CDH13: variants seen among roughly 807,000 people sequenced by gnomAD.
CDH13 encodes the protein cadherin 13.
CDH13 carries 24 observed loss-of-function variants against 63.8 expected under a neutral mutation model. The ratio of observed to expected loss-of-function variants is 0.38; its 90% confidence interval spans 0.27 to 0.53. The LOEUF (loss-of-function observed/expected upper bound fraction) is 0.53. Among genes scored for constraint, CDH13 ranks in the 20% least tolerant of loss-of-function variants. CDH13 has a pLI of 0.85. For synonymous variants in CDH13, 503 were observed against 355.3 expected (o/e 1.42, Z -4.67); for missense variants, 1,049 against 903.1 (o/e 1.16, Z -2.07).
chr16:83,211,303 G>A (rs12596447), intron 4 of CDH13, among the ~76,000 whole-genome samples: 25,441 of 152,076 alleles, frequency 0.17, 2,640 homozygotes, highest in Non-Finnish European at 0.23. Context: ...TTGGATGAAG[G>A]GTACATGGGA....
rs57413765 is a variant in CDH13, at chr16:83,326,600, G to A, written c.637-18262G>A. Among the ~76,000 whole-genome samples, 1,451 of 152,166 alleles carry A rather than the reference G, an allele frequency of 9.5e-3. 17 individuals carry two copies. Among genetic ancestry groups the A allele is most frequent in the African/African-American group, 0.033 (1,391 of 41,528 alleles). On this transcript the variant is annotated intron_variant, in intron 5 of 13. Coordinates refer to ENST00000567109, the MANE Select transcript of CDH13 (RefSeq NM_001257.5). ...TATCAGTGGGACTTACACTTTGCCTGGTAGTGGCATGCTTGCTGTGCCCTT... is the reference window on the plus strand; with the variant it reads ...TATCAGTGGGACTTACACTTTGCCTAGTAGTGGCATGCTTGCTGTGCCCTT...
At chr16:83,079,031 G>T (rs1033497402) in intron 3 of CDH13, among the ~76,000 whole-genome samples, 7 of 152,152 alleles carry the variant, frequency 4.6e-5, no homozygotes, top group African/African-American at 1.2e-4. Flanking sequence ...CTGACCTCAG[G>T]TGATCTGCCT....
chr16:83,567,914 T>G (rs1298568199), intron 7 of CDH13, among the ~76,000 whole-genome samples: 1 of 152,164 alleles, frequency 6.6e-6, no homozygotes, highest in Non-Finnish European at 1.5e-5. Context: ...GTTTTAACCC[T>G]GTAAATTCTG....
intron 1 of CDH13, among the ~76,000 whole-genome samples, chr16:82,785,145 C>T (rs996406280): frequency 2.6e-5 from 4 of 151,990 alleles, no homozygotes; most frequent in South Asian, 2.1e-4. Context: ...CGGGGGCTTG[C>T]GTTCGGGGCT....
chr16:83,704,702 T>C (rs1906746597), intron 10 of CDH13, among the ~76,000 whole-genome samples: 5 of 152,244 alleles, frequency 3.3e-5, no homozygotes, highest in Admixed American at 3.3e-4. Context: ...TAGAAAATTG[T>C]TGAAAGCCTT....
At chr16:82,875,617 G>A (rs770124422) in intron 2 of CDH13, among the ~76,000 whole-genome samples, 28 of 152,142 alleles carry the variant, frequency 1.8e-4, no homozygotes, top group Non-Finnish European at 3.4e-4. Flanking sequence ...AAAGAAAAAT[G>A]TCAAATATAG....
At chr16:82,851,139 T>C (rs2039463519) in intron 1 of CDH13, among the ~76,000 whole-genome samples, 2 of 152,074 alleles carry the variant, frequency 1.3e-5, no homozygotes, top group South Asian at 4.1e-4. Context: ...AAATTTTGTG[T>C]GAAAGCAACA....
chr16:83,174,778 A>C (rs1435329852), intron 4 of CDH13, among the ~76,000 whole-genome samples: 1 of 152,130 alleles, frequency 6.6e-6, no homozygotes, highest in Admixed American at 6.6e-5. Context: ...GCCTTAGGAA[A>C]CTTAACAATC....
At chr16:83,186,975 G>A (rs1481285322) in intron 4 of CDH13, among the ~76,000 whole-genome samples, 2 of 143,244 alleles carry the variant, frequency 1.4e-5, no homozygotes, top group African/African-American at 5.8e-5. Flanking sequence ...TTTTATTACT[G>A]TAATTTTTTT....
intron 6 of CDH13, among the ~76,000 whole-genome samples, chr16:83,444,359 T>C (rs1413392863): frequency 5.3e-5 from 8 of 152,208 alleles, no homozygotes; most frequent in Non-Finnish European, 1.5e-5. Context: ...ATGAAGTACA[T>C]GCTGTGATTT....
At chr16:83,281,261 T>A (rs901486943) in intron 5 of CDH13, among the ~76,000 whole-genome samples, 9 of 152,348 alleles carry the variant, frequency 5.9e-5, no homozygotes, top group Middle Eastern at 3.4e-3. Flanking sequence ...CACTATGTTA[T>A]AGGGATGGCT....
At chr16:82,830,253 A>G (rs1005775842) in intron 1 of CDH13, among the ~76,000 whole-genome samples, 1 of 152,176 alleles carries the variant, frequency 6.6e-6, no homozygotes, top group South Asian at 2.1e-4. Flanking sequence ...CTTATCAATA[A>G]CTCCATTCAT....
intron 1 of CDH13, among the ~76,000 whole-genome samples, chr16:82,752,617 C>T (rs1258763175): frequency 1.3e-5 from 2 of 152,194 alleles, no homozygotes; most frequent in East Asian, 3.8e-4. Flanking sequence ...CAAACACCTA[C>T]TCAAACAAGC....
At chr16:83,699,666 C>T (rs995490008) in intron 10 of CDH13, among the ~76,000 whole-genome samples, 34 of 152,156 alleles carry the variant, frequency 2.2e-4, no homozygotes, top group Admixed American at 1.3e-4. Context: ...TACACACACA[C>T]TCACTGTCAT....
chr16:83,208,036 C>T (rs1364470447), intron 4 of CDH13, among the ~76,000 whole-genome samples: 3 of 152,168 alleles, frequency 2.0e-5, no homozygotes, highest in African/African-American at 7.2e-5. Flanking sequence ...TCCATCTTGC[C>T]TGTAACCTTA....
At chr16:82,826,287 C>G (rs72805999) in intron 1 of CDH13, 1 of 152,178 alleles carries the variant, frequency 6.6e-6, no homozygotes, top group Admixed American at 6.5e-5. Context: ...TGAAGTTAGA[C>G]TGCTTGAGAA....
At chr16:83,539,772 G>A (rs2075265027) in intron 7 of CDH13, among the ~76,000 whole-genome samples, 1 of 152,212 alleles carries the variant, frequency 6.6e-6, no homozygotes, top group African/African-American at 2.4e-5. Context: ...CCAAGGTCAT[G>A]CGAATAGGTT....
intron 2 of CDH13, among the ~76,000 whole-genome samples, chr16:82,979,097 T>A (rs1354769583): frequency 6.6e-6 from 1 of 152,238 alleles, no homozygotes. Context: ...TATTGGATTC[T>A]AGACTTGCAT....
intron 11 of CDH13, among the ~76,000 whole-genome samples, chr16:83,757,871 G>A (rs1414870850): frequency 3.3e-5 from 5 of 151,920 alleles, no homozygotes; most frequent in African/African-American, 1.2e-4. Context: ...GCTAATGCCT[G>A]TAATCCCAGC....
Sources: allele counts gnomAD v4.1 joint callset (sites outside exome capture counted in the v4.1 genomes callset), GRCh38; gene constraint gnomAD v4.1.1; transcripts MANE v1.5; gene names NCBI Gene and HGNC (gene_info 2026-07-23, HGNC 2026-07-21).